The following SBNO2 variants were observed in gnomAD, a reference collection of about 807,000 sequenced individuals.
SBNO2 encodes protein strawberry notch homolog 2.
In SBNO2, 89 loss-of-function variants were observed where a neutral mutation model predicts 146.3. That is an observed-to-expected ratio of 0.61 (90% confidence interval 0.51 to 0.73). The LOEUF (loss-of-function observed/expected upper bound fraction) is 0.73, where lower values mean the gene tolerates loss of function less well. SBNO2 is among the 30% of genes least tolerant of loss of function. The probability of loss-of-function intolerance (pLI) is 0.00; values close to 1 mark genes in which losing one functional copy is unlikely to be tolerated. For missense variants in SBNO2, 2,092 were observed against 2,003.7 expected, an observed-to-expected ratio of 1.04 and a Z score of -0.84; for synonymous variants, 1,147 against 892.6, an observed-to-expected ratio of 1.29 and a Z score of -5.08.
intron 23 of SBNO2, 131 bp from the exon 24 acceptor site, chr19:1,111,745 C>A (rs2079763502): frequency 1.4e-6 from 1 of 738,326 alleles, no homozygotes; most frequent in South Asian, 1.8e-5. Context: ...CTAGACCCCA[C>A]CTCCCCCAGC....
chr19:1,154,462 G>A (rs998112896), intron 1 of SBNO2, 60 bp from the exon 2 acceptor site: 29 of 386,986 alleles, frequency 7.5e-5, no homozygotes, highest in Non-Finnish European at 1.3e-4. Context: ...GGTGCTCCCC[G>A]GCCGCCTCTC....
At chr19:1,145,495 A>C (rs902754785) in intron 4 of SBNO2, among the ~76,000 whole-genome samples, 6 of 151,606 alleles carry the variant, frequency 4.0e-5, no homozygotes, top group African/African-American at 1.5e-4. Context: ...AAAAGAAAGA[A>C]AGAAAGGAAA....
At position 1,117,236 on chromosome 19, in the gene SBNO2, G is replaced by A. The variant is rs1032684995; in HGVS notation, c.1704+87C>T. 2.9e-5 allele frequency: 39 copies of A among 1,335,474 alleles called. No homozygotes were observed. In the African/African-American group the frequency reaches 4.3e-4, roughly 15 times the overall value. The allele number at this position is 1,335,474 out of a possible 1,614,324, so 82.7% of individuals were successfully genotyped here. A position where few individuals can be genotyped will look rare whatever the true frequency, so the allele number is the denominator to read the frequency against. On this transcript the variant is annotated intron_variant, in intron 15 of 31. Transcript: ENST00000361757. Reference sequence around the variant, plus strand: ...GGTGCAGCCCCCGCCCACGTCTGGGGAGGGGCCAGGAAGGACCTGGAAGAA... The same window carrying A: ...GGTGCAGCCCCCGCCCACGTCTGGGAAGGGGCCAGGAAGGACCTGGAAGAA...
chr19:1,132,139 C>T (rs780577538), intron 4 of SBNO2: 1 of 1,505,794 alleles, frequency 6.6e-7, no homozygotes, highest in South Asian at 1.3e-5. Flanking sequence ...GGACATGGTC[C>T]CGGCGCTCGG....
chr19:1,161,927 T>TGGGGGGGGGGGGGGGGGGGGGGGG (rs1568638145), intron 1 of SBNO2, among the ~76,000 whole-genome samples: 1 of 8,214 alleles, frequency 1.2e-4, no homozygotes. Flanking sequence ...GGGGGGGGGT[T>TGGGGGGGGGGGGGGGGGGGGGGGG]GGGCCAGGCC....
At chr19:1,116,241 G>A in intron 16 of SBNO2, 138 bp from the exon 17 acceptor site, 1 of 710,528 alleles carries the variant, frequency 1.4e-6, no homozygotes, top group Non-Finnish European at 2.3e-6. Flanking sequence ...TCTCCTGTGT[G>A]GAGTGGGCTG....
intron 5 of SBNO2, among the ~76,000 whole-genome samples, chr19:1,125,710 A>AG (rs1300085367): frequency 2.0e-5 from 3 of 151,064 alleles, no homozygotes; most frequent in South Asian, 2.1e-4. Flanking sequence ...AGAATTGGAA[A>AG]GGGGAGAATC....
chr19:1,142,923 C>T (rs894255671), intron 4 of SBNO2, among the ~76,000 whole-genome samples: 4 of 151,904 alleles, frequency 2.6e-5, no homozygotes, highest in African/African-American at 7.3e-5. Context: ...CCCAAGATGG[C>T]GCCACTACAC....
chr19:1,108,298 G>GC lies in SBNO2; in HGVS notation c.4022dup (p.Ala1342ArgfsTer30), dbSNP rs923074569. ...GCCGCTCGGGACCACCGCCCGCCGC[G>GC]CCCCCCGCCCCCGCGCCCTCCCCCA... On this transcript the variant is annotated frameshift_variant, in exon 32 of 32. Coordinates refer to ENST00000361757, the MANE Select transcript of SBNO2 (RefSeq NM_014963.3). LOFTEE classifies it low-confidence loss of function (END_TRUNC). 7.4e-6 allele frequency: 11 copies of GC among 1,482,236 alleles called. No individual in the cohort carries two copies. Among genetic ancestry groups the GC allele is most frequent in the African/African-American group, 1.5e-5 (1 of 66,968 alleles). The allele number at this position is 1,482,236 out of a possible 1,614,324, so 91.8% of individuals were successfully genotyped here.
chr19:1,159,738 C>T (rs2080326570), intron 1 of SBNO2, among the ~76,000 whole-genome samples: 1 of 99,140 alleles, frequency 1.0e-5, no homozygotes, highest in Non-Finnish European at 1.9e-5. Context: ...GACGGGGTGA[C>T]AACAGGGAGA....
intron 7 of SBNO2, 120 bp from the exon 8 acceptor site, chr19:1,123,165 T>G: frequency 8.5e-7 from 1 of 1,171,446 alleles, no homozygotes; most frequent in Non-Finnish European, 1.2e-6. Context: ...TTTGGGGGCG[T>G]GGCCAGGTCC....
chr19:1,153,323 T>C (rs1276377061), intron 2 of SBNO2, among the ~76,000 whole-genome samples: 1 of 151,572 alleles, frequency 6.6e-6, no homozygotes, highest in African/African-American at 2.4e-5. Flanking sequence ...CTGCAGCCTC[T>C]GCCTCCCAGG....
At chr19:1,130,516 G>C (rs1395964471) in intron 4 of SBNO2, among the ~76,000 whole-genome samples, 9 of 151,904 alleles carry the variant, frequency 5.9e-5, no homozygotes, top group Non-Finnish European at 1.3e-4. Flanking sequence ...AAGTCAAGCA[G>C]GGCGTAGTGG....
chr19:1,154,775 T>C (rs907587090), intron 1 of SBNO2, among the ~76,000 whole-genome samples: 1 of 152,034 alleles, frequency 6.6e-6, no homozygotes, highest in Non-Finnish European at 1.5e-5. Context: ...TGTGAGACTG[T>C]GGAGGGAGAG....
chr19:1,127,676 G>T lies in SBNO2; in HGVS notation c.369C>A (p.Phe123Leu), dbSNP rs775694163. 8.7e-6 allele frequency: 14 copies of T among 1,613,462 alleles called. No homozygotes were observed. The highest frequency in any genetic ancestry group is 1.2e-5 in the Non-Finnish European group (14 of 1,179,856). Residue 123 changes from phenylalanine (F) to leucine (L), a missense_variant, in exon 5 of 32, where the codon TTC becomes TTA. Coordinates refer to ENST00000361757, the MANE Select transcript of SBNO2 (RefSeq NM_014963.3). Reference sequence around the variant, plus strand: ...CCTGGTTGAGGCTGTCAGCCGGCAGGAAGTCGGGCGTGTCCACGATGTCCG... The same window carrying T: ...CCTGGTTGAGGCTGTCAGCCGGCAGTAAGTCGGGCGTGTCCACGATGTCCG... ...SLSDIVDTPD[F>L]LPADSLNQVS...
intron 1 of SBNO2, among the ~76,000 whole-genome samples, chr19:1,159,835 C>A (rs1387546623): frequency 6.6e-6 from 1 of 151,530 alleles, no homozygotes; most frequent in East Asian, 1.9e-4. Context: ...GGGACACATT[C>A]AAGACATCCG....
rs1434237785 is a variant in SBNO2 at position 1,109,058 on chromosome 19, G to C, written c.3425+77C>G. The C allele has an allele frequency of 6.6e-7, 1 of 1,519,888 alleles. No homozygotes were observed. The highest frequency in any genetic ancestry group is 2.5e-5 in the East Asian group (1 of 40,598). The allele number at this position is 1,519,888 out of a possible 1,614,324, so 94.2% of individuals were successfully genotyped here. On this transcript the variant is annotated intron_variant, in intron 30 of 31. Transcript: ENST00000361757. This position sits in a 1 kb window ranked among gnomAD's most constrained non-coding sequence, Gnocchi z 4.2. ...CCCTGAGATCTCCCGCCTCCTCTCA[G>C]GGTCTCGGGAGCCCCCGATCCCCGC...
intron 4 of SBNO2, among the ~76,000 whole-genome samples, chr19:1,132,928 G>A (rs994543674): frequency 1.3e-5 from 2 of 152,234 alleles, no homozygotes; most frequent in East Asian, 1.9e-4. Flanking sequence ...CGCTTTGGTA[G>A]AAAACCAAGT....
intron 2 of SBNO2, among the ~76,000 whole-genome samples, chr19:1,153,012 G>A (rs369746919): frequency 3.5e-4 from 53 of 151,818 alleles, no homozygotes; most frequent in South Asian, 1.0e-3. Context: ...AAAATCTGCC[G>A]GGCATGGTGG....
Sources: allele counts gnomAD v4.1 joint callset (sites outside exome capture counted in the v4.1 genomes callset), GRCh38; gene constraint gnomAD v4.1.1; non-coding constraint Gnocchi (gnomAD v3.1); transcripts MANE v1.5; gene names NCBI Gene and HGNC (gene_info 2026-07-23, HGNC 2026-07-21).